Variants in CCKAR observed in about 807,000 individuals in gnomAD.
The protein encoded by CCKAR is cholecystokinin A receptor.
CCKAR carries 21 observed loss-of-function variants against 29.8 expected under a neutral mutation model. That is an observed-to-expected ratio of 0.70 (90% CI 0.50 to 1.01). The LOEUF (loss-of-function observed/expected upper bound fraction) is 1.01. Among genes scored for constraint, CCKAR ranks in the 50% least tolerant of loss-of-function variants. The pLI is 0.00. For missense variants in CCKAR, 570 were observed against 560.6 expected (o/e 1.02, Z -0.17); for synonymous variants, 238 against 221.3 (o/e 1.08, Z -0.67).
At position 26,481,707 on chromosome 4, in the gene CCKAR, G is replaced by A. The variant is rs756943348; in HGVS notation, c.1218C>T (p.Gly406=). ...TGGACAGAGAGGCTCCTGTGGTCCC[G>A]CCTTCCTCCTCCTCCCCCACCTCTC... is the stretch of plus-strand genomic sequence containing the variant. ...ARGEVGEEEE[G]GTTGASLSRF... is the part of the protein sequence containing the mutation. The change falls in exon 5 of 5, where the codon GGC becomes GGT. Residue 406 remains glycine, a synonymous_variant. Coordinates refer to ENST00000295589, the MANE Select transcript of CCKAR (RefSeq NM_000730.3). The A allele has an allele frequency of 8.7e-6, 14 of 1,614,062 alleles. No homozygotes were observed. The Middle Eastern group carries it at 4.9e-4, about 57-fold the overall frequency.
chr4:26,487,239 T>G lies in CCKAR; in HGVS notation c.365-1341A>C, dbSNP rs190436791. Among the ~76,000 whole-genome samples, 5 of 152,326 alleles carry G rather than the reference T, an allele frequency of 3.3e-5. No homozygotes were observed. In the East Asian group the frequency reaches 9.6e-4, roughly 29 times the overall value. On this transcript the variant is annotated intron_variant, in intron 2 of 4. Transcript: ENST00000295589. ...TCTCCTTATTCTTATGGATATAAAC[T>G]AATTCTCTGAAACTATATCCAAAAA...
At chr4:26,489,679 A>G (rs1737520578) in intron 1 of CCKAR, among the ~76,000 whole-genome samples, 195 bp from the exon 2 acceptor site, 1 of 152,236 alleles carries the variant, frequency 6.6e-6, no homozygotes, top group Non-Finnish European at 1.5e-5. Flanking sequence ...TCTTTTTAGA[A>G]GGTTGGTTTG....
At chr4:26,485,085 T>C (rs900037610) in intron 3 of CCKAR, among the ~76,000 whole-genome samples, 6 of 150,436 alleles carry the variant, frequency 4.0e-5, no homozygotes. Context: ...TCCCAGCTAC[T>C]CAGGAGGCTG....
rs768651919 is a variant in CCKAR at position 26,481,884 on chromosome 4, G to A, written c.1041C>T (p.Leu347=). Residue 347 remains leucine, a synonymous_variant, in exon 5 of 5, where the codon CTC becomes CTT. Coordinates refer to ENST00000295589, the MANE Select transcript of CCKAR (RefSeq NM_000730.3). The stretch of plus-strand genomic sequence containing the variant: ...GGATGAAGGAAATGGGGGTTCCTGA[G>A]AGGCGGCGCTCTGCGGAGGCGGTGT... ...AYDTASAERR[L]SGTPISFILL... 7 of 1,614,226 alleles carry A rather than the reference G, an allele frequency of 4.3e-6. No homozygotes were observed. In the South Asian group the frequency reaches 7.7e-5, roughly 18 times the overall value.
intron 2 of CCKAR, among the ~76,000 whole-genome samples, chr4:26,486,136 TAA>T (rs1357960978): frequency 3.9e-5 from 6 of 152,262 alleles, no homozygotes; most frequent in African/African-American, 1.4e-4. Context: ...CAATTTTTAA[TAA>T]GTTTATTGAG....
chr4:26,485,502 G>A, intron 3 of CCKAR, 135 bp downstream of exon 3: 8 of 811,808 alleles, frequency 9.9e-6, no homozygotes, highest in Admixed American at 2.6e-5. Flanking sequence ...ATCCTAGAAC[G>A]AGGCTAGAAA....
At chr4:26,485,602 A>T (rs1320320299) in intron 3 of CCKAR, 35 bp downstream of exon 3, 1 of 1,605,906 alleles carries the variant, frequency 6.2e-7, no homozygotes, top group Non-Finnish European at 8.5e-7. Flanking sequence ...AATTACATCA[A>T]GCTGTATTTT....
Position 26,485,901 on chromosome 4 carries a change from G to T in CCKAR, c.365-3C>A. On this transcript the variant is annotated splice_region_variant and splice_polypyrimidine_tract_variant and intron_variant, in intron 2 of 4. Coordinates refer to ENST00000295589, the MANE Select transcript of CCKAR (RefSeq NM_000730.3). ...GGTAGATACACTCACAGAGGTGCCTGGGAAAGGAACAAAGAAGCCGGTTAT... is the reference window on the plus strand; with the variant it reads ...GGTAGATACACTCACAGAGGTGCCTTGGAAAGGAACAAAGAAGCCGGTTAT... 6.2e-7 allele frequency: 1 copy of T among 1,610,794 alleles called. No individual in the cohort carries two copies. The highest frequency in any genetic ancestry group is 8.5e-7 in the Non-Finnish European group (1 of 1,177,748).
In CCKAR at chr4:26,481,577, CCGTTCTTT is replaced by C; in HGVS notation, c.*53_*60del. The stretch of plus-strand genomic sequence containing the variant: ...CTCCTTCTCTTCCTGATCTCTTCTT[CCGTTCTTT>C]CTTCTCTGCCTCCTCCCTGCCTTCC... On this transcript the variant is annotated 3_prime_UTR_variant, in exon 5 of 5. Transcript: ENST00000295589. 6.4e-7 allele frequency: 1 copy of C among 1,563,232 alleles called. No homozygotes were observed. The highest frequency in any genetic ancestry group is 8.8e-7 in the Non-Finnish European group (1 of 1,135,192).
chr4:26,487,103 C>T (rs1560369529), intron 2 of CCKAR, among the ~76,000 whole-genome samples: 1 of 152,108 alleles, frequency 6.6e-6, no homozygotes, highest in Non-Finnish European at 1.5e-5. Flanking sequence ...CTGTAGAGTC[C>T]TTCTGCTATA....
intron 2 of CCKAR, among the ~76,000 whole-genome samples, chr4:26,486,728 A>G (rs1292135872): frequency 6.6e-6 from 1 of 152,192 alleles, no homozygotes; most frequent in Non-Finnish European, 1.5e-5. Flanking sequence ...AGCCTGGCCA[A>G]CATGGTGAAA....
At chr4:26,484,305 C>A (rs963745124) in intron 3 of CCKAR, among the ~76,000 whole-genome samples, 6 of 152,120 alleles carry the variant, frequency 3.9e-5, no homozygotes, top group African/African-American at 1.2e-4. Flanking sequence ...AACGTAATTC[C>A]TTTGTGTGTG....
chr4:26,485,673 C>T lies in CCKAR; in HGVS notation c.590G>A (p.Arg197His), dbSNP rs779987287. Residue 197 changes from arginine to histidine, a missense_variant, in exon 3 of 5, where the codon CGC (arginine) becomes CAC (histidine). By Grantham distance (29) the Arg-to-His change is conservative. Transcript: ENST00000295589. Reference protein sequence around the residue: ...KNNNQTANMCRFLLPNDVMQQ... With the variant: ...KNNNQTANMCHFLLPNDVMQQ... ...CATAACATCATTTGGCAGTAGAAAGCGGCACATATTCGCGGTCTGGTTGTT... is the reference window on the plus strand; with the variant it reads ...CATAACATCATTTGGCAGTAGAAAGTGGCACATATTCGCGGTCTGGTTGTT... The T allele has an allele frequency of 2.0e-5, 32 of 1,613,994 alleles. No homozygotes were observed. The highest frequency in any genetic ancestry group is 2.7e-5 in the African/African-American group (2 of 74,884).
chr4:26,482,174 G>A lies in CCKAR; in HGVS notation c.755-4C>T, dbSNP rs920635325. Reference sequence around the variant, plus strand: ...CTGGTGGTGCTAGGTTTCCTTTCTGGGTGGGCAAGAGACATCACTCATTGC... The same window carrying A: ...CTGGTGGTGCTAGGTTTCCTTTCTGAGTGGGCAAGAGACATCACTCATTGC... On this transcript the variant is annotated splice_region_variant and splice_polypyrimidine_tract_variant and intron_variant, in intron 4 of 4. Transcript: ENST00000295589. The A allele has an allele frequency of 4.4e-6, 7 of 1,603,378 alleles. No individual in the cohort carries two copies. In the Admixed American group the frequency reaches 8.4e-5, roughly 19 times the overall value.
intron 3 of CCKAR, among the ~76,000 whole-genome samples, chr4:26,483,516 T>C (rs1737392334): frequency 6.6e-6 from 1 of 152,346 alleles, no homozygotes; most frequent in East Asian, 1.9e-4. Flanking sequence ...TTGGAAAAGT[T>C]TGGCGTAATT....
chr4:26,486,610 C>T (rs1737455475), intron 2 of CCKAR, among the ~76,000 whole-genome samples: 1 of 152,150 alleles, frequency 6.6e-6, no homozygotes, highest in Admixed American at 6.5e-5. Flanking sequence ...AAATGCACCT[C>T]ATTTAAAATC....
intron 1 of CCKAR, 44 bp from the exon 2 acceptor site, chr4:26,489,528 A>C (rs1339420675): frequency 1.2e-6 from 2 of 1,604,442 alleles, no homozygotes; most frequent in Non-Finnish European, 1.7e-6. Context: ...GGAGGTGATG[A>C]CAGCAGAATG....
At chr4:26,488,625 A>G (rs1737492915) in intron 2 of CCKAR, among the ~76,000 whole-genome samples, 4 of 151,660 alleles carry the variant, frequency 2.6e-5, no homozygotes, top group Admixed American at 2.6e-4. Context: ...AGCAAATTCA[A>G]CTCCTCATCT....
In CCKAR at chr4:26,483,262, G is replaced by C; in HGVS notation, c.648C>G (p.Ile216Met). ...TCACAATTCCAGGAATAAGAAAGAG[G>C]ATGAGTAACAGGAATGTGTGCCTAA... ...QQSWHTFLLLILFLIPGIVMM... is the reference protein window; with the variant it reads ...QQSWHTFLLLMLFLIPGIVMM... The change falls in exon 4 of 5, where the codon ATC becomes ATG. Residue 216 changes from isoleucine (I) to methionine (M), a missense_variant. Ile to Met is a conservative substitution (Grantham distance 10). Coordinates refer to ENST00000295589, the MANE Select transcript of CCKAR (RefSeq NM_000730.3). The C allele has an allele frequency of 8.7e-6, 14 of 1,613,576 alleles. No homozygotes were observed. Among genetic ancestry groups the C allele is most frequent in the Non-Finnish European group, 1.0e-5 (12 of 1,179,804 alleles).
Sources: gnomAD v4.1 joint callset for allele counts (sites outside exome capture counted in the v4.1 genomes callset) on GRCh38, gnomAD v4.1.1 for gene constraint, MANE v1.5 for transcripts, NCBI Gene and HGNC (gene_info 2026-07-23, HGNC 2026-07-21) for gene names.